AGMO: variants seen among roughly 807,000 people sequenced by gnomAD.
The protein encoded by AGMO is glyceryl-ether monooxygenase.
A neutral mutation model predicts 60.2 loss-of-function variants in AGMO; 75 were observed. The observed-to-expected ratio is 1.25, with a 90% CI of 1.03 to 1.51. The LOEUF (loss-of-function observed/expected upper bound fraction) is 1.51. Ranked by LOEUF, AGMO falls within the 40% of genes most tolerant of loss-of-function variation. AGMO has a pLI of 0.00. For synonymous variants in AGMO, 261 were observed against 177.1 expected (o/e 1.47, Z -3.76); for missense variants, 763 against 525.5 (o/e 1.45, Z -4.42).
chr7:15,148,038 G>T, the AGMO span, among the ~76,000 whole-genome samples: 1 of 152,104 alleles, frequency 6.6e-6, no homozygotes, highest in African/African-American at 2.4e-5. Context: ...CAGTGGTAAA[G>T]TGTATTAGAA....
At chr7:15,416,036 T>C (rs890900178) in intron 5 of AGMO, among the ~76,000 whole-genome samples, 3 of 149,252 alleles carry the variant, frequency 2.0e-5, no homozygotes, top group Middle Eastern at 3.5e-3. Context: ...TCTTTTTTTT[T>C]TTTTTTTTGG....
chr7:15,415,147 T>C (rs1383770572), intron 5 of AGMO, among the ~76,000 whole-genome samples: 1 of 151,910 alleles, frequency 6.6e-6, no homozygotes, highest in African/African-American at 2.4e-5. Context: ...TCATGAAAAG[T>C]CATCAGTGGT....
At chr7:15,523,140 G>C (rs189086163) in intron 3 of AGMO, among the ~76,000 whole-genome samples, 1 of 152,268 alleles carries the variant, frequency 6.6e-6, no homozygotes, top group Admixed American at 6.5e-5. Context: ...AAACCACAAT[G>C]AGATACCATC....
At chr7:15,392,468 T>C (rs1784182999) in intron 6 of AGMO, among the ~76,000 whole-genome samples, 1 of 151,920 alleles carries the variant, frequency 6.6e-6, no homozygotes, top group Non-Finnish European at 1.5e-5. Context: ...AGTGGTTATG[T>C]CCCCATAAAC....
In AGMO at chr7:15,509,075, A is replaced by G. The variant is rs566835541; in HGVS notation, c.409+35697T>C. ...TGCCTTTCAGGCTCACAGCTATGCA[A>G]TCAGGTAAAAGGAACCAGTAGTGTT... On this transcript the variant is annotated intron_variant, in intron 3 of 12. Transcript: ENST00000342526. Among the ~76,000 whole-genome samples, 80 of 152,330 alleles carry G rather than the reference A, an allele frequency of 5.3e-4. 2 individuals carry two copies. The South Asian group carries it at 0.016, about 31-fold the overall frequency.
intron 12 of AGMO, among the ~76,000 whole-genome samples, chr7:15,302,999 G>C (rs1352178039): frequency 2.6e-5 from 4 of 152,094 alleles, no homozygotes; most frequent in Non-Finnish European, 5.9e-5. Context: ...TAAATCTAAA[G>C]GATCTTGAAA....
At chr7:15,174,795 A>G in the AGMO span, among the ~76,000 whole-genome samples, 1 of 152,130 alleles carries the variant, frequency 6.6e-6, no homozygotes, top group East Asian at 1.9e-4. Context: ...TTTTTCTATG[A>G]AAAGGACATT....
At chr7:15,286,344 G>A (rs891604977) in intron 12 of AGMO, among the ~76,000 whole-genome samples, 8 of 151,750 alleles carry the variant, frequency 5.3e-5, no homozygotes, top group Non-Finnish European at 1.0e-4. Context: ...CTAATATTCA[G>A]AATCCACAAA....
intron 3 of AGMO, among the ~76,000 whole-genome samples, chr7:15,444,845 G>A (rs530466910): frequency 6.6e-6 from 1 of 152,194 alleles, no homozygotes. Context: ...GAAATTATAT[G>A]CATATTATTC....
chr7:15,542,523 A>C (rs901195375), intron 3 of AGMO, among the ~76,000 whole-genome samples: 3 of 152,196 alleles, frequency 2.0e-5, no homozygotes, highest in Non-Finnish European at 4.4e-5. Flanking sequence ...TTCCAGGAGT[A>C]AACAAATTTG....
chr7:15,359,257 G>A lies in AGMO; in HGVS notation c.1263+6257C>T, dbSNP rs139866091. On this transcript the variant is annotated intron_variant, in intron 12 of 12. Coordinates refer to ENST00000342526, the MANE Select transcript of AGMO (RefSeq NM_001004320.2). ...TGAGCCGAGATCACGCCACTGCACT[G>A]CAGCCTCAGCAACAGAGCAAGACTC... Among the ~76,000 whole-genome samples, 1,411 of 143,454 alleles carry A rather than the reference G, an allele frequency of 9.8e-3. 29 individuals are homozygous for A. The highest frequency in any genetic ancestry group is 0.036 in the African/African-American group (1,379 of 38,126). 94.1% of individuals were successfully genotyped at this position (143,454 alleles called of 152,430 possible).
intron 12 of AGMO, among the ~76,000 whole-genome samples, chr7:15,210,069 G>GA (rs894109376): frequency 1.3e-5 from 2 of 151,970 alleles, no homozygotes; most frequent in African/African-American, 2.4e-5. Context: ...CAAAGATTGT[G>GA]AAAAAAACCT....
intron 4 of AGMO, 148 bp downstream of exon 4, chr7:15,430,857 A>G (rs925387309): frequency 4.0e-6 from 2 of 496,000 alleles, no homozygotes; most frequent in African/African-American, 4.0e-5. Context: ...AGGAAAAGAA[A>G]GATTTTAGCA....
At chr7:15,472,388 A>C (rs1207464389) in intron 3 of AGMO, among the ~76,000 whole-genome samples, 2 of 152,004 alleles carry the variant, frequency 1.3e-5, no homozygotes, top group East Asian at 3.8e-4. Flanking sequence ...TGCAATTAGC[A>C]AACTATTTTA....
intron 3 of AGMO, among the ~76,000 whole-genome samples, chr7:15,521,657 T>C (rs965065461): frequency 1.3e-5 from 2 of 152,074 alleles, no homozygotes; most frequent in African/African-American, 2.4e-5. Context: ...CCCCTTCATG[T>C]TAAAAACACT....
chr7:15,321,249 G>A (rs533834677), intron 12 of AGMO, among the ~76,000 whole-genome samples: 3 of 152,088 alleles, frequency 2.0e-5, no homozygotes, highest in African/African-American at 4.8e-5. Context: ...ACATACATAC[G>A]TATATAGATA....
intron 12 of AGMO, among the ~76,000 whole-genome samples, chr7:15,283,616 A>G (rs911576308): frequency 1.3e-5 from 2 of 152,076 alleles, no homozygotes; most frequent in Admixed American, 6.6e-5. Flanking sequence ...AATGAGATGA[A>G]TAGTAATGCA....
At chr7:15,489,620 T>C (rs983585996) in intron 3 of AGMO, among the ~76,000 whole-genome samples, 3 of 152,212 alleles carry the variant, frequency 2.0e-5, no homozygotes, top group African/African-American at 7.2e-5. Flanking sequence ...ACTGCTCTGT[T>C]GGGCTGATCC....
chr7:15,404,925 T>C (rs1240007667), intron 5 of AGMO, among the ~76,000 whole-genome samples: 1 of 151,872 alleles, frequency 6.6e-6, no homozygotes, highest in Non-Finnish European at 1.5e-5. Context: ...TTGTCATCCA[T>C]TATAAACTTT....
Sources: allele counts gnomAD v4.1 joint callset (sites outside exome capture counted in the v4.1 genomes callset), GRCh38; gene constraint gnomAD v4.1.1; transcripts MANE v1.5; gene names NCBI Gene and HGNC (gene_info 2026-07-23, HGNC 2026-07-21).